The following IGDCC3 variants were observed in gnomAD, a reference collection of about 807,000 sequenced individuals.
IGDCC3 encodes putative neuronal cell adhesion molecule.
IGDCC3 carries 47 observed loss-of-function variants against 72.0 expected under a neutral mutation model. The observed-to-expected ratio is 0.65, with a 90% confidence interval of 0.52 to 0.83. The LOEUF (loss-of-function observed/expected upper bound fraction) is 0.83, where lower values mean the gene tolerates loss of function less well. Among genes scored for constraint, IGDCC3 ranks in the 40% least tolerant of loss-of-function variants. The pLI is 0.00. For synonymous variants in IGDCC3, 477 were observed against 472.8 expected (o/e 1.01, Z -0.11); for missense variants, 1,038 against 1,091.3 (o/e 0.95, Z 0.69).
Position 65,333,320 on chromosome 15 carries a change from A to G in IGDCC3, c.919T>C (p.Cys307Arg). The G allele has an allele frequency of 6.2e-7, 1 of 1,613,268 alleles. No individual in the cohort carries two copies. The highest frequency in any genetic ancestry group is 8.5e-7 in the Non-Finnish European group (1 of 1,179,706). The change falls in exon 6 of 14, where the codon TGT becomes CGT. Residue 307 changes from cysteine to arginine, a missense_variant. By Grantham distance (180) the Cys-to-Arg change is radical. Transcript: ENST00000327987. The part of the protein sequence containing the change: ...VTVQHSGVYV[C>R]AANRPGTRVR... ...CGGGTGCCAGGTCTGTTGGCTGCAC[A>G]GACGTAGACGCCAGAGTGCTGGACC...
chr15:65,334,716 GA>G lies in IGDCC3; in HGVS notation c.823+11del, dbSNP rs748579063. 31 of 1,548,582 alleles carry G rather than the reference GA, an allele frequency of 2.0e-5. 1 individual carries two copies. The South Asian group carries it at 3.7e-4, about 19-fold the overall frequency. On this transcript the variant is annotated intron_variant, in intron 5 of 13. Transcript: ENST00000327987. ...GGCTGGGAGGGGCAGGGGCTGTGGG[GA>G]TGAGGCTCACCCAGGCGGCTCCAGG...
At chr15:65,330,503 G>C (rs200713859) in intron 10 of IGDCC3, 47 bp downstream of exon 10, 4 of 1,591,616 alleles carry the variant, frequency 2.5e-6, no homozygotes, top group Non-Finnish European at 3.4e-6. Context: ...GGCCCTCAGC[G>C]CCGCACTCTG....
At chr15:65,367,815 C>T (rs1216682547) in intron 2 of IGDCC3, among the ~76,000 whole-genome samples, 1 of 152,136 alleles carries the variant, frequency 6.6e-6, no homozygotes, top group Non-Finnish European at 1.5e-5. Flanking sequence ...AGGGATTCCA[C>T]AGGAGAGCCC....
intron 2 of IGDCC3, among the ~76,000 whole-genome samples, chr15:65,338,625 G>C (rs1288447517): frequency 6.6e-6 from 1 of 152,032 alleles, no homozygotes; most frequent in Non-Finnish European, 1.5e-5. Flanking sequence ...TTCATCTGAG[G>C]CTCCTCCTTC....
At chr15:65,370,580 A>ATG (rs1555432556) in intron 2 of IGDCC3, among the ~76,000 whole-genome samples, 5 of 130,472 alleles carry the variant, frequency 3.8e-5, no homozygotes, top group African/African-American at 9.0e-5. Context: ...GTATGTATAT[A>ATG]TATGTATGTA....
Position 65,329,192 on chromosome 15 carries a change from G to T in IGDCC3, c.2206-44C>A, listed in dbSNP as rs2090952650. The stretch of plus-strand genomic sequence containing the variant: ...ACACAGGCGTCAGCTTGAGGGCCAG[G>T]GCGCCAGGCTCCAACTCACCCCACT... On this transcript the variant is annotated intron_variant, in intron 13 of 13. Transcript: ENST00000327987. The surrounding 1 kb of genome is among the most constrained non-coding windows in gnomAD (Gnocchi z 4.1). 1 of 1,567,534 alleles carries T rather than the reference G, an allele frequency of 6.4e-7. No individual in the cohort carries two copies. Among genetic ancestry groups the T allele is most frequent in the Non-Finnish European group, 8.6e-7 (1 of 1,159,848 alleles).
At chr15:65,332,845 A>AAGCAGT (rs2090990428) in intron 6 of IGDCC3, among the ~76,000 whole-genome samples, 1 of 152,220 alleles carries the variant, frequency 6.6e-6, no homozygotes, top group Non-Finnish European at 1.5e-5. Flanking sequence ...TGCCGGCGAC[A>AAGCAGT]GAGTGAAAAT....
rs971166776 is a variant in IGDCC3 at position 65,339,438 on chromosome 15, T to C, written c.410-3482A>G. Among the ~76,000 whole-genome samples, 5 of 152,202 alleles carry C rather than the reference T, an allele frequency of 3.3e-5. No homozygotes were observed. The highest frequency in any genetic ancestry group is 5.9e-5 in the Non-Finnish European group (4 of 68,026). On this transcript the variant is annotated intron_variant, in intron 2 of 13. Transcript: ENST00000327987. This position sits in a 1 kb window ranked among gnomAD's most constrained non-coding sequence, Gnocchi z 4.1. ...CTACGTTGCCCGGACTGGCACAGCA[T>C]TTTTTTCTTTAGGAAGTTTGAGGAA...
rs2090962235 is a variant in IGDCC3 at position 65,329,984 on chromosome 15, TC to T, written c.1859-121del. 4 of 1,088,628 alleles carry T rather than the reference TC, an allele frequency of 3.7e-6. No homozygotes were observed. In the African/African-American group the frequency reaches 4.7e-5, roughly 13 times the overall value. 67.4% of individuals were successfully genotyped at this position (1,088,628 alleles called of 1,614,324 possible). On this transcript the variant is annotated intron_variant, in intron 11 of 13. Coordinates refer to ENST00000327987, the MANE Select transcript of IGDCC3 (RefSeq NM_004884.4). The surrounding 1 kb of genome is among the most constrained non-coding windows in gnomAD (Gnocchi z 4.1). Reference sequence around the variant, plus strand: ...CCACTCCCAAGTGGGAGTGGGAACATCCTTTGACTTTGCCTACAGGACTCCA... The same window carrying T: ...CCACTCCCAAGTGGGAGTGGGAACATCTTTGACTTTGCCTACAGGACTCCA...
chr15:65,329,194 C>T lies in IGDCC3; in HGVS notation c.2206-46G>A, dbSNP rs374184517. 6.0e-5 allele frequency: 94 copies of T among 1,564,712 alleles called. No individual in the cohort carries two copies. The African/African-American group carries it at 8.8e-4, about 15-fold the overall frequency. On this transcript the variant is annotated intron_variant, in intron 13 of 13. Transcript: ENST00000327987. The surrounding 1 kb of genome is among the most constrained non-coding windows in gnomAD (Gnocchi z 4.1). The stretch of plus-strand genomic sequence containing the variant: ...ACAGGCGTCAGCTTGAGGGCCAGGG[C>T]GCCAGGCTCCAACTCACCCCACTTG...
At position 65,358,107 on chromosome 15, in the gene IGDCC3, T is replaced by A. The variant is rs371350322; in HGVS notation, c.409+16990A>T. 1.4e-3 allele frequency among the ~76,000 whole-genome samples: 199 copies of A among 146,356 alleles called. 4 individuals carry two copies. The East Asian group carries it at 0.024, about 18-fold the overall frequency. On this transcript the variant is annotated intron_variant, in intron 2 of 13. Coordinates refer to ENST00000327987, the MANE Select transcript of IGDCC3 (RefSeq NM_004884.4). ...GTTAGTAGCAGATCCAAGACATATTTTTTTTTTTTTTTTTCTGAGACAGGG... is the reference window on the plus strand; with the variant it reads ...GTTAGTAGCAGATCCAAGACATATTATTTTTTTTTTTTTTCTGAGACAGGG...
At position 65,377,647 on chromosome 15, in the gene IGDCC3, T is replaced by C; in HGVS notation, c.103+39A>G. 1.4e-6 allele frequency: 2 copies of C among 1,418,278 alleles called. No homozygotes were observed. Among genetic ancestry groups the C allele is most frequent in the Non-Finnish European group, 1.8e-6 (2 of 1,090,830 alleles). 87.9% of individuals were successfully genotyped at this position (1,418,278 alleles called of 1,614,324 possible). Reference sequence around the variant, plus strand: ...CCTCCCTGCTCGCCCTTCCCCTGGCTCCGTCCGCAACCGCCCGGTCCGGGG... The same window carrying C: ...CCTCCCTGCTCGCCCTTCCCCTGGCCCCGTCCGCAACCGCCCGGTCCGGGG... On this transcript the variant is annotated intron_variant, in intron 1 of 13. Transcript: ENST00000327987. This position sits in a 1 kb window ranked among gnomAD's most constrained non-coding sequence, Gnocchi z 4.9.
rs2091363820 is a variant in IGDCC3, at chr15:65,377,166, T to A, written c.103+520A>T. ...TCCAGGAATCTCCCTCGTCTTCTCCTGTCTCTCCCGCGCACTCCTCAGCCC... is the reference window on the plus strand; with the variant it reads ...TCCAGGAATCTCCCTCGTCTTCTCCAGTCTCTCCCGCGCACTCCTCAGCCC... On this transcript the variant is annotated intron_variant, in intron 1 of 13. Coordinates refer to ENST00000327987, the MANE Select transcript of IGDCC3 (RefSeq NM_004884.4). This position sits in a 1 kb window ranked among gnomAD's most constrained non-coding sequence, Gnocchi z 4.9. Among the ~76,000 whole-genome samples the A allele has an allele frequency of 6.6e-6, 1 of 152,048 alleles. No homozygotes were observed. The highest frequency in any genetic ancestry group is 2.4e-5 in the African/African-American group (1 of 41,398).
At chr15:65,341,808 C>G (rs1013698676) in intron 2 of IGDCC3, among the ~76,000 whole-genome samples, 1 of 152,204 alleles carries the variant, frequency 6.6e-6, no homozygotes, top group Non-Finnish European at 1.5e-5. Flanking sequence ...GGGTCTTGCT[C>G]TGTCACCCAG....
rs1016725130 is a variant in IGDCC3 at position 65,329,172 on chromosome 15, G to A, written c.2206-24C>T. ...TGCTGGGGAAAGAGCCCGTCACACA[G>A]GCGTCAGCTTGAGGGCCAGGGCGCC... is the stretch of plus-strand genomic sequence containing the variant. On this transcript the variant is annotated intron_variant, in intron 13 of 13. Coordinates refer to ENST00000327987, the MANE Select transcript of IGDCC3 (RefSeq NM_004884.4). This position sits in a 1 kb window ranked among gnomAD's most constrained non-coding sequence, Gnocchi z 4.1. The A allele has an allele frequency of 6.3e-7, 1 of 1,589,364 alleles. No homozygotes were observed. Among genetic ancestry groups the A allele is most frequent in the Non-Finnish European group, 8.6e-7 (1 of 1,169,294 alleles).
At chr15:65,359,105 C>T (rs1387281015) in intron 2 of IGDCC3, among the ~76,000 whole-genome samples, 4 of 152,230 alleles carry the variant, frequency 2.6e-5, no homozygotes, top group Non-Finnish European at 4.4e-5. Context: ...GTGTGAGCCA[C>T]TGCACCTGGC....
In IGDCC3 at chr15:65,329,201, C is replaced by A; in HGVS notation, c.2206-53G>T. 3 of 1,557,622 alleles carry A rather than the reference C, an allele frequency of 1.9e-6. No homozygotes were observed. Among genetic ancestry groups the A allele is most frequent in the Non-Finnish European group, 1.7e-6 (2 of 1,155,920 alleles). On this transcript the variant is annotated intron_variant, in intron 13 of 13. Transcript: ENST00000327987. The surrounding 1 kb of genome is among the most constrained non-coding windows in gnomAD (Gnocchi z 4.1). ...TCAGCTTGAGGGCCAGGGCGCCAGG[C>A]TCCAACTCACCCCACTTGGGCCTTA...
At chr15:65,365,281 G>C (rs569697550) in intron 2 of IGDCC3, among the ~76,000 whole-genome samples, 1 of 152,096 alleles carries the variant, frequency 6.6e-6, no homozygotes, top group African/African-American at 2.4e-5. Context: ...ACGGTGGTCT[G>C]TCCCCTCCTC....
At chr15:65,369,651 C>A (rs894483873) in intron 2 of IGDCC3, among the ~76,000 whole-genome samples, 1 of 152,068 alleles carries the variant, frequency 6.6e-6, no homozygotes, top group Admixed American at 6.6e-5. Flanking sequence ...CTCAGTTAAG[C>A]GGGAGAAGAA....
Sources: allele counts gnomAD v4.1 joint callset (sites outside exome capture counted in the v4.1 genomes callset), GRCh38; gene constraint gnomAD v4.1.1; non-coding constraint Gnocchi (gnomAD v3.1); transcripts MANE v1.5; gene names NCBI Gene and HGNC (gene_info 2026-07-23, HGNC 2026-07-21).